MAML3: variants seen among roughly 807,000 people sequenced by gnomAD.
MAML3 encodes the protein mastermind-like protein 3.
In MAML3, 27 loss-of-function variants were observed where a neutral mutation model predicts 101.9. That is an observed-to-expected ratio of 0.27 (90% CI 0.20 to 0.37). MAML3 has a LOEUF of 0.37. MAML3 is among the 10% of genes least tolerant of loss of function. MAML3 has a pLI of 1.00. For missense variants in MAML3, 1,316 were observed against 1,444.9 expected (o/e 0.91, Z 1.45); for synonymous variants, 501 against 555.9 (o/e 0.90, Z 1.39).
At chr4:139,906,335 G>A (rs1301052829) in intron 1 of MAML3, among the ~76,000 whole-genome samples, 1 of 152,212 alleles carries the variant, frequency 6.6e-6, no homozygotes, top group Non-Finnish European at 1.5e-5. Flanking sequence ...TAGCAAAGAA[G>A]TATAGTCAGA....
chr4:140,104,251 T>A (rs1728298177), intron 1 of MAML3, among the ~76,000 whole-genome samples: 1 of 146,868 alleles, frequency 6.8e-6, no homozygotes, highest in African/African-American at 2.6e-5. Context: ...CCAGGCATGG[T>A]GGCACATACC....
At chr4:139,745,904 CACA>C (rs1159003792) in intron 2 of MAML3, among the ~76,000 whole-genome samples, 1 of 152,062 alleles carries the variant, frequency 6.6e-6, no homozygotes, top group Non-Finnish European at 1.5e-5. Context: ...GAAATGTGAC[CACA>C]ACAACTTGGA....
intron 1 of MAML3, among the ~76,000 whole-genome samples, chr4:140,044,799 C>T (rs901628806): frequency 2.6e-5 from 4 of 152,186 alleles, no homozygotes; most frequent in African/African-American, 9.7e-5. Context: ...TCTGTCTTGG[C>T]ACCAGGCTCA....
At chr4:139,884,780 C>T (rs574700553) in intron 2 of MAML3, among the ~76,000 whole-genome samples, 14 of 152,218 alleles carry the variant, frequency 9.2e-5, no homozygotes, top group Non-Finnish European at 1.9e-4. Flanking sequence ...TGTGCTAATG[C>T]TTTCTCCATT....
chr4:140,137,009 G>A (rs1728898781), intron 1 of MAML3, among the ~76,000 whole-genome samples: 1 of 152,182 alleles, frequency 6.6e-6, no homozygotes, highest in African/African-American at 2.4e-5. Context: ...TTGTTTTTGA[G>A]ACGGAGTCTC....
chr4:140,056,778 T>A (rs527301120), intron 1 of MAML3, among the ~76,000 whole-genome samples: 22 of 148,544 alleles, frequency 1.5e-4, no homozygotes, highest in African/African-American at 5.0e-4. Flanking sequence ...CACTGCACTC[T>A]CCAGCCTCAG....
chr4:140,113,677 T>C (rs944389767), intron 1 of MAML3, among the ~76,000 whole-genome samples: 1 of 152,344 alleles, frequency 6.6e-6, no homozygotes, highest in African/African-American at 2.4e-5. Flanking sequence ...GCAACCTGTT[T>C]GGCAGAGGAG....
At chr4:139,946,455 T>G (rs1414999732) in intron 1 of MAML3, among the ~76,000 whole-genome samples, 1 of 152,202 alleles carries the variant, frequency 6.6e-6, no homozygotes. Flanking sequence ...ATAATTTTTT[T>G]TTTGTTAAGC....
At chr4:139,766,235 G>T (rs969409961) in intron 2 of MAML3, among the ~76,000 whole-genome samples, 1 of 152,070 alleles carries the variant, frequency 6.6e-6, no homozygotes, top group Admixed American at 6.6e-5. Flanking sequence ...GCAGTGGCAT[G>T]ATCTCGGCTT....
chr4:139,887,212 T>C (rs1002466457), intron 2 of MAML3, among the ~76,000 whole-genome samples: 1 of 152,208 alleles, frequency 6.6e-6, no homozygotes, highest in East Asian at 1.9e-4. Flanking sequence ...AAATAAATGA[T>C]ATGTTTGCAG....
chr4:139,860,185 C>T (rs1731749060), intron 2 of MAML3, among the ~76,000 whole-genome samples: 1 of 152,276 alleles, frequency 6.6e-6, no homozygotes, highest in Admixed American at 6.5e-5. Context: ...GGCGTGGAAA[C>T]GCCGTGGGGT....
Position 140,154,062 on chromosome 4 carries a change from G to A in MAML3, c.-735C>T. On this transcript the variant is annotated 5_prime_UTR_variant, in exon 1 of 5. Transcript: ENST00000509479. ...GCAGCACCTAACGCTCGGCTGGGCT[G>A]CCGCTGCCGCCGCTGCTCCTGCCAC... 6.0e-6 allele frequency: 1 copy of A among 165,794 alleles called. No individual in the cohort carries two copies. Among genetic ancestry groups the A allele is most frequent in the Non-Finnish European group, 1.3e-5 (1 of 75,862 alleles). The allele number at this position is 165,794 out of a possible 1,614,324, so 10.3% of individuals were successfully genotyped here. A position where few individuals can be genotyped will look rare whatever the true frequency, so the allele number is the denominator to read the frequency against.
rs554457591 is a variant in MAML3 at position 140,051,385 on chromosome 4, T to C, written c.468+101475A>G. Among the ~76,000 whole-genome samples, 32 of 151,910 alleles carry C rather than the reference T, an allele frequency of 2.1e-4. 1 individual carries two copies. In the South Asian group the frequency reaches 6.5e-3, roughly 31 times the overall value. ...GCCTGGCCAACATGGTGAAACCCTGTCTCTACTAAAAATACAAAAAAATTA... is the reference window on the plus strand; with the variant it reads ...GCCTGGCCAACATGGTGAAACCCTGCCTCTACTAAAAATACAAAAAAATTA... On this transcript the variant is annotated intron_variant, in intron 1 of 4. Coordinates refer to ENST00000509479, the MANE Select transcript of MAML3 (RefSeq NM_018717.5).
Position 140,153,921 on chromosome 4 carries a change from C to G in MAML3, c.-594G>C, listed in dbSNP as rs1729222825. On this transcript the variant is annotated 5_prime_UTR_variant, in exon 1 of 5. The change abolishes an upstream ATG in the 5' untranslated region. Coordinates refer to ENST00000509479, the MANE Select transcript of MAML3 (RefSeq NM_018717.5). ...TCAAAGTACTTTGGCTGCTCAGTTG[C>G]ATTTCACAGGAACCTAGATATCGAA... is the stretch of plus-strand genomic sequence containing the variant. 1 of 153,254 alleles carries G rather than the reference C, an allele frequency of 6.5e-6. No homozygotes were observed. The highest frequency in any genetic ancestry group is 2.4e-5 in the African/African-American group (1 of 41,446). The allele number at this position is 153,254 out of a possible 1,614,324, so 9.5% of individuals were successfully genotyped here.
chr4:139,833,103 C>G (rs548729235), intron 2 of MAML3, among the ~76,000 whole-genome samples: 1 of 152,326 alleles, frequency 6.6e-6, no homozygotes, highest in Admixed American at 6.5e-5. Context: ...GTTCAGCTCC[C>G]TCACTCTTCG....
intron 1 of MAML3, among the ~76,000 whole-genome samples, chr4:140,145,915 C>T (rs547158698): frequency 3.1e-5 from 3 of 96,172 alleles, no homozygotes; most frequent in African/African-American, 1.3e-4. Context: ...CTCTTGTTGC[C>T]CAGGCTGGAG....
intron 2 of MAML3, among the ~76,000 whole-genome samples, chr4:139,823,827 A>G (rs1447041562): frequency 1.3e-5 from 2 of 151,562 alleles, no homozygotes; most frequent in Non-Finnish European, 2.9e-5. Flanking sequence ...GCTGGCACAC[A>G]GCAGGCACTC....
At chr4:139,942,243 G>A (rs554110859) in intron 1 of MAML3, among the ~76,000 whole-genome samples, 41 of 152,100 alleles carry the variant, frequency 2.7e-4, no homozygotes, top group Admixed American at 3.3e-4. Context: ...AGAACAAAGA[G>A]CCATAATATC....
intron 1 of MAML3, among the ~76,000 whole-genome samples, chr4:139,933,656 A>G (rs1352305688): frequency 2.0e-5 from 3 of 152,168 alleles, no homozygotes; most frequent in African/African-American, 7.2e-5. Flanking sequence ...AACATGGTGG[A>G]GTCTGTCACA....
Sources: allele counts gnomAD v4.1 joint callset (sites outside exome capture counted in the v4.1 genomes callset), GRCh38; gene constraint gnomAD v4.1.1; transcripts MANE v1.5; gene names NCBI Gene and HGNC (gene_info 2026-07-23, HGNC 2026-07-21).